The following CLEC12A variants were observed in gnomAD, a reference collection of about 807,000 sequenced individuals.
CLEC12A encodes the protein C-type lectin domain family 12 member A.
CLEC12A carries 22 observed loss-of-function variants against 26.5 expected under a neutral mutation model. That is an observed-to-expected ratio of 0.83 (90% CI 0.59 to 1.19). The LOEUF is 1.19. Ranked by LOEUF, CLEC12A falls within the 50% of genes most tolerant of loss-of-function variation. The pLI, the probability that CLEC12A is intolerant of heterozygous loss-of-function variation, is 0.00. For synonymous variants in CLEC12A, 119 were observed against 101.9 expected, an observed-to-expected ratio of 1.17 and a Z score of -1.01; for missense variants, 353 against 315.6, an observed-to-expected ratio of 1.12 and a Z score of -0.90.
chr12:9,982,200 G>C, intron 5 of CLEC12A, 71 bp downstream of exon 5: 2 of 762,964 alleles, frequency 2.6e-6, no homozygotes. Context: ...GAGCACTGTA[G>C]ATTCAAATTA....
At chr12:9,996,892 G>C (rs762729909), downstream of CLEC12A, 1 of 1,613,844 alleles carries the variant, frequency 6.2e-7, no homozygotes, top group African/African-American at 1.3e-5. Context: ...ATTCATGTCA[G>C]TGCAGTACTG....
intron 4 of CLEC12A, among the ~76,000 whole-genome samples, chr12:9,994,298 G>A (rs576098395): frequency 6.6e-6 from 1 of 152,192 alleles, no homozygotes; most frequent in African/African-American, 2.4e-5. Context: ...TTGTAAATGA[G>A]GCAGCAAGCA....
chr12:10,004,638 A>AT, the CLEC12A span, among the ~76,000 whole-genome samples: 3 of 151,994 alleles, frequency 2.0e-5, no homozygotes, highest in Non-Finnish European at 4.4e-5. Flanking sequence ...TGGGTACAGA[A>AT]TAGGGGGCAT....
intron 1 of CLEC12A, among the ~76,000 whole-genome samples, 179 bp downstream of exon 1, chr12:9,971,866 A>G (rs1010906846): frequency 1.3e-5 from 2 of 152,174 alleles, no homozygotes; most frequent in Admixed American, 6.5e-5. Context: ...GGGTTTTGTA[A>G]AAACACTTAT....
At chr12:10,004,173 G>T in the CLEC12A span, among the ~76,000 whole-genome samples, 1 of 152,170 alleles carries the variant, frequency 6.6e-6, no homozygotes, top group Non-Finnish European at 1.5e-5. Context: ...AGGGGTGGGT[G>T]CCTGGAACCC....
rs1444170426 is a variant in CLEC12A at position 9,985,578 on chromosome 12, A to G, written c.*552A>G. The G allele has an allele frequency of 5.0e-6, 2 of 398,230 alleles. No individual in the cohort carries two copies. The highest frequency in any genetic ancestry group is 8.9e-6 in the Non-Finnish European group (2 of 225,920). 24.7% of individuals were successfully genotyped at this position (398,230 alleles called of 1,614,324 possible). A position where few individuals can be genotyped will look rare whatever the true frequency, so the allele number is the denominator to read the frequency against. On this transcript the variant is annotated 3_prime_UTR_variant, in exon 6 of 6. Coordinates refer to ENST00000304361, the MANE Select transcript of CLEC12A (RefSeq NM_138337.6). ...TATTATTTTAAGTAAAAGCCAATAAACAAAAACGAAAAGGCAAGTTACGAG... is the reference window on the plus strand; with the variant it reads ...TATTATTTTAAGTAAAAGCCAATAAGCAAAAACGAAAAGGCAAGTTACGAG...
intron 4 of CLEC12A, chr12:9,993,395 G>GT: frequency 1.4e-5 from 8 of 588,746 alleles, no homozygotes; most frequent in Non-Finnish European, 1.8e-5. Flanking sequence ...GAGGAAAATA[G>GT]GAAAAAAAAA....
chr12:10,002,699 C>A, the CLEC12A span, among the ~76,000 whole-genome samples: 1 of 152,138 alleles, frequency 6.6e-6, no homozygotes, highest in Non-Finnish European at 1.5e-5. Context: ...GCCTCGGCCT[C>A]CCCAAGTGCT....
intron 1 of CLEC12A, among the ~76,000 whole-genome samples, chr12:9,972,573 A>G (rs1229150584): frequency 6.6e-6 from 1 of 152,226 alleles, no homozygotes; most frequent in African/African-American, 2.4e-5. Context: ...TGATAGAAAC[A>G]GAAAAATAAG....
the CLEC12A span, among the ~76,000 whole-genome samples, chr12:10,001,856 G>A: frequency 6.6e-6 from 1 of 150,456 alleles, no homozygotes; most frequent in African/African-American, 2.4e-5. Context: ...CTTCACTAAG[G>A]AAACTATATA....
chr12:9,953,915 AC>A (rs1270631275), intron 1 of CLEC12A, among the ~76,000 whole-genome samples: 1 of 151,314 alleles, frequency 6.6e-6, no homozygotes, highest in Non-Finnish European at 1.5e-5. Flanking sequence ...CTTACCCCCA[AC>A]CCTGTGCTCT....
rs1864120601 is a variant in CLEC12A, at chr12:9,971,497, G to C, written c.-100G>C. 6.8e-7 allele frequency: 1 copy of C among 1,477,264 alleles called. No homozygotes were observed. Among genetic ancestry groups the C allele is most frequent in the Non-Finnish European group, 8.9e-7 (1 of 1,118,092 alleles). 91.5% of individuals were successfully genotyped at this position (1,477,264 alleles called of 1,614,324 possible). On this transcript the variant is annotated 5_prime_UTR_variant, in exon 1 of 6. Coordinates refer to ENST00000304361, the MANE Select transcript of CLEC12A (RefSeq NM_138337.6). ...AAGCTTAAGCTTCCGTTTATAAACA[G>C]AAGTTTAAAATTATAGGTCCTGTTT... is the stretch of plus-strand genomic sequence containing the variant.
intron 5 of CLEC12A, among the ~76,000 whole-genome samples, 171 bp from the exon 6 acceptor site, chr12:9,984,699 A>T (rs1468931687): frequency 6.6e-6 from 1 of 152,234 alleles, no homozygotes; most frequent in Non-Finnish European, 1.5e-5. Flanking sequence ...ATATGTGTTA[A>T]CATAAACAAT....
the CLEC12A span, among the ~76,000 whole-genome samples, chr12:10,005,945 G>A: frequency 6.6e-6 from 1 of 151,974 alleles, no homozygotes; most frequent in East Asian, 1.9e-4. Flanking sequence ...CACTTTAAAA[G>A]TGTCCTCTGA....
chr12:9,980,173 G>A (rs1359427773), intron 3 of CLEC12A, among the ~76,000 whole-genome samples: 1 of 152,126 alleles, frequency 6.6e-6, no homozygotes, highest in African/African-American at 2.4e-5. Flanking sequence ...AATTGACATA[G>A]GAAGACACAC....
At chr12:9,964,973 A>G (rs754964919) in intron 1 of CLEC12A, among the ~76,000 whole-genome samples, 2 of 152,198 alleles carry the variant, frequency 1.3e-5, no homozygotes, top group Non-Finnish European at 1.5e-5. Context: ...GCCAGGAACA[A>G]TGGTAATTGT....
At chr12:9,958,715 C>G (rs1236055889) in intron 1 of CLEC12A, among the ~76,000 whole-genome samples, 1 of 152,180 alleles carries the variant, frequency 6.6e-6, no homozygotes, top group Non-Finnish European at 1.5e-5. Flanking sequence ...TAGGATTAAA[C>G]AAGTTTTACC....
downstream of CLEC12A, chr12:9,997,137 G>C (rs1433436812): frequency 6.2e-7 from 1 of 1,613,478 alleles, no homozygotes; most frequent in African/African-American, 1.3e-5. Flanking sequence ...GAGAGATGAA[G>C]AGGTTAAAAA....
At chr12:9,975,254 A>G (rs189325226) in intron 1 of CLEC12A, among the ~76,000 whole-genome samples, 10 of 152,350 alleles carry the variant, frequency 6.6e-5, no homozygotes, top group Non-Finnish European at 1.5e-4. Context: ...ACTGGGCAAC[A>G]GGCAGAGGTT....
Sources: allele counts gnomAD v4.1 joint callset (sites outside exome capture counted in the v4.1 genomes callset), GRCh38; gene constraint gnomAD v4.1.1; transcripts MANE v1.5; gene names NCBI Gene and HGNC (gene_info 2026-07-23, HGNC 2026-07-21).